The following POLH variants were observed in gnomAD, a reference collection of about 807,000 sequenced individuals.
POLH encodes DNA polymerase eta.
In POLH, 53 loss-of-function variants were observed where a neutral mutation model predicts 73.6. The observed-to-expected ratio is 0.72, with a 90% CI of 0.58 to 0.91. POLH has a LOEUF of 0.91. Among genes scored for constraint, POLH ranks in the 40% least tolerant of loss-of-function variants. The pLI is 0.00. For missense variants in POLH, 768 were observed against 865.4 expected (o/e 0.89, Z 1.41); for synonymous variants, 292 against 308.5 (o/e 0.95, Z 0.56).
intron 4 of POLH, among the ~76,000 whole-genome samples, chr6:43,593,000 G>A (rs767811459): frequency 1.0e-3 from 157 of 152,214 alleles, no homozygotes; most frequent in Non-Finnish European, 2.0e-3. Flanking sequence ...GATTATAGGC[G>A]TGAGCCACTG....
intron 9 of POLH, among the ~76,000 whole-genome samples, chr6:43,608,221 T>TAC (rs903680529): frequency 2.6e-5 from 4 of 152,216 alleles, no homozygotes; most frequent in African/African-American, 9.6e-5. Context: ...CCTTGTCAGA[T>TAC]ACGTGATTTG....
chr6:43,592,861 T>A (rs889756199), intron 4 of POLH, among the ~76,000 whole-genome samples: 2 of 152,226 alleles, frequency 1.3e-5, no homozygotes, highest in African/African-American at 2.4e-5. Context: ...CTTTTCCCTT[T>A]GTTTTTTCTT....
chr6:43,582,666 G>A lies in POLH; in HGVS notation c.137+210G>A, dbSNP rs550965870. ...GTCTCCCAAATAGTTAGAACTACAG[G>A]AGCGCCCCACCATGCCAAGCTGATT... On this transcript the variant is annotated intron_variant, in intron 2 of 10. Transcript: ENST00000372236. 1.8e-4 allele frequency among the ~76,000 whole-genome samples: 27 copies of A among 152,138 alleles called. 2 individuals carry two copies. The highest frequency in any genetic ancestry group is 6.3e-4 in the African/African-American group (26 of 41,504).
Position 43,604,594 on chromosome 6 carries a change from GT to G in POLH, c.885-15del, listed in dbSNP as rs752939564. On this transcript the variant is annotated intron_variant, in intron 7 of 10. Coordinates refer to ENST00000372236, the MANE Select transcript of POLH (RefSeq NM_006502.3). Reference sequence around the variant, plus strand: ...AATAATCATTTAATTTCACCTTAACGTTTTTTGCTGGTCTTATTAGGTCTTG... The same window carrying G: ...AATAATCATTTAATTTCACCTTAACGTTTTTGCTGGTCTTATTAGGTCTTG... 28 of 1,612,368 alleles carry G rather than the reference GT, an allele frequency of 1.7e-5. No individual in the cohort carries two copies. Among genetic ancestry groups the G allele is most frequent in the South Asian group, 4.4e-5 (4 of 91,048 alleles).
intron 3 of POLH, among the ~76,000 whole-genome samples, chr6:43,586,532 G>A (rs781479182): frequency 6.6e-6 from 1 of 152,138 alleles, no homozygotes; most frequent in Admixed American, 6.5e-5. Flanking sequence ...AGAAAACTAG[G>A]TATAGAGCCA....
At chr6:43,611,365 G>C (rs1317475357) in intron 10 of POLH, among the ~76,000 whole-genome samples, 1 of 152,210 alleles carries the variant, frequency 6.6e-6, no homozygotes, top group East Asian at 1.9e-4. Context: ...AAGGTGACCT[G>C]TGTTCACTGA....
At chr6:43,594,266 T>C (rs9333529) in intron 4 of POLH, among the ~76,000 whole-genome samples, 3,680 of 152,306 alleles carry the variant, frequency 0.024, 152 homozygotes, top group African/African-American at 0.083. Context: ...TATTTTTGTT[T>C]CCCAAAGCTA....
chr6:43,581,854 A>C (rs1225885981), intron 1 of POLH, among the ~76,000 whole-genome samples: 1 of 150,482 alleles, frequency 6.6e-6, no homozygotes, highest in Non-Finnish European at 1.5e-5. Context: ...CACCGACCCC[A>C]GCCCGCGGCG....
chr6:43,603,594 A>T (rs573852914), intron 6 of POLH, among the ~76,000 whole-genome samples: 3 of 152,250 alleles, frequency 2.0e-5, no homozygotes, highest in African/African-American at 7.2e-5. Context: ...TTAGCCATGG[A>T]AGGGATTTAT....
At chr6:43,594,967 G>T (rs1224055655) in intron 4 of POLH, among the ~76,000 whole-genome samples, 1 of 151,154 alleles carries the variant, frequency 6.6e-6, no homozygotes, top group Non-Finnish European at 1.5e-5. Context: ...GGGGGCATAT[G>T]GGGGGGGATT....
chr6:43,583,621 G>A (rs1323861262), intron 3 of POLH, among the ~76,000 whole-genome samples: 1 of 152,112 alleles, frequency 6.6e-6, no homozygotes, highest in African/African-American at 2.4e-5. Flanking sequence ...CCTTGGAATG[G>A]GGGATATGAA....
At chr6:43,602,009 A>G (rs574130490) in intron 6 of POLH, among the ~76,000 whole-genome samples, 5 of 152,134 alleles carry the variant, frequency 3.3e-5, no homozygotes, top group African/African-American at 7.2e-5. Flanking sequence ...AGTGAGCCAA[A>G]ATGGCGCCCT....
chr6:43,579,986 A>G (rs946907510), intron 1 of POLH, among the ~76,000 whole-genome samples: 2 of 141,468 alleles, frequency 1.4e-5, no homozygotes, highest in African/African-American at 5.4e-5. Context: ...ATGGGACAAT[A>G]GTGGAGGGAA....
At position 43,601,063 on chromosome 6, in the gene POLH, C is replaced by T. The variant is rs780041698; in HGVS notation, c.736C>T (p.Leu246Phe). ...GGTTTCACATGGGTCAGTCCCACAG[C>T]TCTTCAGCCAAATGCCCATTCGCAA... The part of the protein sequence containing the change: ...TLVSHGSVPQ[L>F]FSQMPIRKIR... Residue 246 changes from leucine to phenylalanine, a missense_variant, in exon 6 of 11, where the codon CTC becomes TTC. Leu to Phe is a conservative substitution (Grantham distance 22). Coordinates refer to ENST00000372236, the MANE Select transcript of POLH (RefSeq NM_006502.3). 5.0e-6 allele frequency: 8 copies of T among 1,613,804 alleles called. No homozygotes were observed. The highest frequency in any genetic ancestry group is 1.1e-5 in the South Asian group (1 of 91,078).
Position 43,614,629 on chromosome 6 carries a change from C to A in POLH, c.*72C>A. The A allele has an allele frequency of 2.3e-6, 3 of 1,308,082 alleles. No individual in the cohort carries two copies. Among genetic ancestry groups the A allele is most frequent in the Non-Finnish European group, 3.2e-6 (3 of 939,086 alleles). The allele number at this position is 1,308,082 out of a possible 1,614,324, so 81.0% of individuals were successfully genotyped here. On this transcript the variant is annotated 3_prime_UTR_variant, in exon 11 of 11. Transcript: ENST00000372236. Reference sequence around the variant, plus strand: ...CAGATCTTTATCTTTAATATTTTATCTTTACAGATTTCCCTGAGAAAGGGA... The same window carrying A: ...CAGATCTTTATCTTTAATATTTTATATTTACAGATTTCCCTGAGAAAGGGA...
chr6:43,592,045 A>T (rs1027026081), intron 4 of POLH, among the ~76,000 whole-genome samples: 4 of 152,078 alleles, frequency 2.6e-5, no homozygotes, highest in Admixed American at 2.0e-4. Context: ...CTATTTCTGT[A>T]TGTCTTGTGT....
At chr6:43,586,736 C>T (rs1432407634) in intron 3 of POLH, among the ~76,000 whole-genome samples, 1 of 152,164 alleles carries the variant, frequency 6.6e-6, no homozygotes, top group Admixed American at 6.5e-5. Flanking sequence ...GACCAGTTCA[C>T]ATGTTAACCA....
intron 10 of POLH, 52 bp downstream of exon 10, chr6:43,610,775 T>C (rs1413572341): frequency 6.9e-7 from 1 of 1,451,916 alleles, no homozygotes; most frequent in Non-Finnish European, 9.6e-7. Flanking sequence ...TTCTTAGCTC[T>C]GTCTTAGCTC....
At chr6:43,611,711 T>C (rs529144406) in intron 10 of POLH, among the ~76,000 whole-genome samples, 1 of 152,146 alleles carries the variant, frequency 6.6e-6, no homozygotes, top group Admixed American at 6.6e-5. Flanking sequence ...TCTAAATATA[T>C]TGGCAGTATA....
Sources: allele counts gnomAD v4.1 joint callset (sites outside exome capture counted in the v4.1 genomes callset), GRCh38; gene constraint gnomAD v4.1.1; transcripts MANE v1.5; gene names NCBI Gene and HGNC (gene_info 2026-07-23, HGNC 2026-07-21).